Variants in KCND2 observed in about 807,000 individuals in gnomAD.
KCND2 encodes the protein A-type voltage-gated potassium channel KCND2.
A neutral mutation model predicts 54.4 loss-of-function variants in KCND2; 16 were observed. That is an observed-to-expected ratio of 0.29 (90% confidence interval 0.20 to 0.45). The LOEUF (loss-of-function observed/expected upper bound fraction) is 0.45. Ranked by LOEUF, KCND2 falls within the 20% of genes least tolerant of loss-of-function variation. The probability of loss-of-function intolerance (pLI) is 1.00; values close to 1 mark genes in which losing one functional copy is unlikely to be tolerated. For missense variants in KCND2, 486 were observed against 824.2 expected (o/e 0.59, Z 5.02); for synonymous variants, 317 against 310.7 (o/e 1.02, Z -0.21).
rs1799432070 is a variant in KCND2 at position 120,291,317 on chromosome 7, TC to T, written c.1115+15574del. Among the ~76,000 whole-genome samples the T allele has an allele frequency of 2.6e-5, 4 of 152,044 alleles. No individual in the cohort carries two copies. The South Asian group carries it at 8.3e-4, about 32-fold the overall frequency. The stretch of plus-strand genomic sequence containing the variant: ...TATTTTATGGTCTTAACACTTGAGC[TC>T]CCCAAAAATCTGTGATATTTGACAT... On this transcript the variant is annotated intron_variant, in intron 1 of 5. Transcript: ENST00000331113.
chr7:120,411,715 A>ACTC (rs1801452504), intron 1 of KCND2, among the ~76,000 whole-genome samples: 2 of 152,022 alleles, frequency 1.3e-5, no homozygotes, highest in African/African-American at 2.4e-5. Context: ...CAAAACTTTC[A>ACTC]CAGTACATTC....
At chr7:120,694,781 C>G (rs945395473) in intron 1 of KCND2, among the ~76,000 whole-genome samples, 16 of 152,108 alleles carry the variant, frequency 1.1e-4, no homozygotes, top group African/African-American at 3.6e-4. Flanking sequence ...CCTAGACTAC[C>G]ACTACTCCCT....
At position 120,465,681 on chromosome 7, in the gene KCND2, C is replaced by T. The variant is rs535412298; in HGVS notation, c.1115+189934C>T. Among the ~76,000 whole-genome samples, 6 of 152,262 alleles carry T rather than the reference C, an allele frequency of 3.9e-5. No homozygotes were observed. The South Asian group carries it at 1.2e-3, about 32-fold the overall frequency. ...CTAGCAGTCAGATAGACCTGTCTGT[C>T]TGTCTGTCTGAAAATCTTCAGAAGT... On this transcript the variant is annotated intron_variant, in intron 1 of 5. Coordinates refer to ENST00000331113, the MANE Select transcript of KCND2 (RefSeq NM_012281.3).
At position 120,320,140 on chromosome 7, in the gene KCND2, G is replaced by A. The variant is rs1455209271; in HGVS notation, c.1115+44393G>A. Among the ~76,000 whole-genome samples the A allele has an allele frequency of 2.0e-5, 3 of 152,008 alleles. No homozygotes were observed. In the East Asian group the frequency reaches 5.8e-4, roughly 29 times the overall value. On this transcript the variant is annotated intron_variant, in intron 1 of 5. Coordinates refer to ENST00000331113, the MANE Select transcript of KCND2 (RefSeq NM_012281.3). ...CAAACATTGAAAAAAATTTGAATTG[G>A]GAGTATGTGCCAGACACTGGAGATA...
chr7:120,406,909 A>C (rs1235519143), intron 1 of KCND2, among the ~76,000 whole-genome samples: 1 of 152,000 alleles, frequency 6.6e-6, no homozygotes, highest in African/African-American at 2.4e-5. Flanking sequence ...ATGCCTGGCT[A>C]TGTGATTTTG....
intron 1 of KCND2, among the ~76,000 whole-genome samples, chr7:120,535,736 C>T (rs1345091079): frequency 6.6e-6 from 1 of 152,066 alleles, no homozygotes; most frequent in South Asian, 2.1e-4. Context: ...ACAAAAGGGG[C>T]AACCGTTCTA....
At chr7:120,440,821 CTA>C (rs1801936302) in intron 1 of KCND2, among the ~76,000 whole-genome samples, 1 of 151,974 alleles carries the variant, frequency 6.6e-6, no homozygotes, top group Admixed American at 6.6e-5. Context: ...AAGATATCTC[CTA>C]TTATTTTATT....
At position 120,748,040 on chromosome 7, in the gene KCND2, C is replaced by T. The variant is rs1393921611; in HGVS notation, c.*182C>T. On this transcript the variant is annotated 3_prime_UTR_variant, in exon 6 of 6. Coordinates refer to ENST00000331113, the MANE Select transcript of KCND2 (RefSeq NM_012281.3). Reference sequence around the variant, plus strand: ...AAAACCACCAAATGGCATTTCTAGACAGTTTGACCTGTTATACAGAGTAAT... The same window carrying T: ...AAAACCACCAAATGGCATTTCTAGATAGTTTGACCTGTTATACAGAGTAAT... The T allele has an allele frequency of 6.8e-6, 4 of 588,240 alleles. No homozygotes were observed. Among genetic ancestry groups the T allele is most frequent in the Non-Finnish European group, 1.2e-5 (4 of 332,260 alleles). The allele number at this position is 588,240 out of a possible 1,614,324, so 36.4% of individuals were successfully genotyped here.
intron 1 of KCND2, among the ~76,000 whole-genome samples, chr7:120,664,255 C>T (rs903566642): frequency 1.3e-5 from 2 of 152,092 alleles, no homozygotes; most frequent in African/African-American, 4.8e-5. Flanking sequence ...ATTTGGCACA[C>T]TGCTTATGTA....
chr7:120,601,915 C>T (rs1352252061), intron 1 of KCND2, among the ~76,000 whole-genome samples: 1 of 152,132 alleles, frequency 6.6e-6, no homozygotes. Context: ...TATAGAATTC[C>T]ATTCAATGAT....
intron 1 of KCND2, among the ~76,000 whole-genome samples, chr7:120,728,482 G>T (rs1792764558): frequency 4.0e-5 from 6 of 151,724 alleles, no homozygotes. Flanking sequence ...GTAGAGATGG[G>T]GTTTCTCCAT....
At chr7:120,400,452 G>GTATC (rs1300408284) in intron 1 of KCND2, among the ~76,000 whole-genome samples, 2 of 152,070 alleles carry the variant, frequency 1.3e-5, no homozygotes, top group African/African-American at 4.8e-5. Flanking sequence ...GTTTCCATGT[G>GTATC]TATCTATTGA....
chr7:120,691,990 C>T (rs1345414514), intron 1 of KCND2, among the ~76,000 whole-genome samples: 1 of 152,072 alleles, frequency 6.6e-6, no homozygotes, highest in Non-Finnish European at 1.5e-5. Flanking sequence ...CACTGTGAAC[C>T]GACCTTCAGA....
intron 1 of KCND2, among the ~76,000 whole-genome samples, chr7:120,731,747 A>G (rs1792809565): frequency 6.6e-6 from 1 of 152,196 alleles, no homozygotes; most frequent in Non-Finnish European, 1.5e-5. Context: ...GGTTTGGTTT[A>G]TTGTCATAAA....
At chr7:120,347,760 A>T in intron 1 of KCND2, among the ~76,000 whole-genome samples, 1 of 151,406 alleles carries the variant, frequency 6.6e-6, no homozygotes. Flanking sequence ...TCTGTCTCAA[A>T]AAAAAAAAAA....
intron 1 of KCND2, among the ~76,000 whole-genome samples, chr7:120,470,493 T>C (rs981020952): frequency 5.3e-5 from 8 of 152,240 alleles, no homozygotes; most frequent in Admixed American, 4.6e-4. Flanking sequence ...TCTAGTGCCA[T>C]TATATCATTT....
rs182253094 is a variant in KCND2, at chr7:120,739,963, C to T, written c.1279-1571C>T. On this transcript the variant is annotated intron_variant, in intron 2 of 5. Transcript: ENST00000331113. ...GCTTTAAAAATTAATTGGCAGTTGGCCTGGTAAATAAATAATTATTTGTTT... is the reference window on the plus strand; with the variant it reads ...GCTTTAAAAATTAATTGGCAGTTGGTCTGGTAAATAAATAATTATTTGTTT... Among the ~76,000 whole-genome samples, 267 of 151,954 alleles carry T rather than the reference C, an allele frequency of 1.8e-3. 5 individuals are homozygous for T. The highest frequency in any genetic ancestry group is 0.013 in the Admixed American group (197 of 15,224).
intron 1 of KCND2, among the ~76,000 whole-genome samples, chr7:120,436,976 G>A (rs1271011911): frequency 6.6e-6 from 1 of 152,104 alleles, no homozygotes. Flanking sequence ...CTCTTTCTCA[G>A]TGATGTCACA....
intron 1 of KCND2, among the ~76,000 whole-genome samples, chr7:120,583,549 CTGTG>C (rs1792547121): frequency 6.6e-6 from 1 of 152,038 alleles, no homozygotes; most frequent in Admixed American, 6.6e-5. Flanking sequence ...GAGTTGGTGC[CTGTG>C]AGGTCTCTCT....
Sources: allele counts gnomAD v4.1 joint callset (sites outside exome capture counted in the v4.1 genomes callset), GRCh38; gene constraint gnomAD v4.1.1; transcripts MANE v1.5; gene names NCBI Gene and HGNC (gene_info 2026-07-23, HGNC 2026-07-21).